The following STAB2 variants were observed in gnomAD, a reference collection of about 807,000 sequenced individuals.
STAB2 encodes stabilin 2.
Under a neutral mutation model 338.1 loss-of-function variants are expected in STAB2, and 288 were observed. That is an observed-to-expected ratio of 0.85 (90% CI 0.77 to 0.94). The LOEUF (loss-of-function observed/expected upper bound fraction) is 0.94. STAB2 is among the 40% of genes least tolerant of loss of function. The probability of loss-of-function intolerance (pLI) is 0.00; values close to 1 mark genes in which losing one functional copy is unlikely to be tolerated. For missense variants in STAB2, 3,141 were observed against 3,210.1 expected, an observed-to-expected ratio of 0.98 and a Z score of 0.52; for synonymous variants, 1,202 against 1,193.3, an observed-to-expected ratio of 1.01 and a Z score of -0.15.
In STAB2 at chr12:103,648,541, A is replaced by G. The variant is rs560979681; in HGVS notation, c.1041-149A>G. 4.2e-6 allele frequency: 4 copies of G among 945,826 alleles called. No individual in the cohort carries two copies. In the South Asian group the frequency reaches 8.8e-5, roughly 21 times the overall value. 58.6% of individuals were successfully genotyped at this position (945,826 alleles called of 1,614,324 possible). A position where few individuals can be genotyped will look rare whatever the true frequency, so the allele number is the denominator to read the frequency against. On this transcript the variant is annotated intron_variant, in intron 9 of 68. Coordinates refer to ENST00000388887, the MANE Select transcript of STAB2 (RefSeq NM_017564.10). ...CATCCATTTCTTGAGGAGCTACTAG[A>G]TGTCAGATACCACACTAGGAATGCT...
At chr12:103,677,995 C>T (rs1016428037) in intron 25 of STAB2, among the ~76,000 whole-genome samples, 1 of 152,150 alleles carries the variant, frequency 6.6e-6, no homozygotes, top group African/African-American at 2.4e-5. Context: ...AAGGCTACTG[C>T]TTAAAAATTA....
chr12:103,718,028 TCTGCTACCCCCAGC>T (rs1411639889), intron 44 of STAB2, among the ~76,000 whole-genome samples, 187 bp downstream of exon 44: 1 of 152,110 alleles, frequency 6.6e-6, no homozygotes, highest in Non-Finnish European at 1.5e-5. Context: ...GAAGGCACAG[TCTGCTACCCCCAGC>T]CTGCCCCTTT....
intron 68 of STAB2, 47 bp from the exon 69 acceptor site, chr12:103,766,239 C>A (rs775132195): frequency 3.1e-6 from 5 of 1,612,608 alleles, no homozygotes; most frequent in Non-Finnish European, 4.2e-6. Flanking sequence ...TCAACTAGGA[C>A]TCAACACACA....
At chr12:103,609,052 G>C (rs1479031612) in intron 3 of STAB2, among the ~76,000 whole-genome samples, 2 of 152,174 alleles carry the variant, frequency 1.3e-5, no homozygotes, top group Non-Finnish European at 2.9e-5. Context: ...CTATATCGCT[G>C]TTTTGGTACC....
chr12:103,656,700 G>C (rs1252581315), intron 15 of STAB2, among the ~76,000 whole-genome samples: 3 of 105,928 alleles, frequency 2.8e-5, no homozygotes, highest in African/African-American at 1.2e-4. Context: ...TTTTTTTTGA[G>C]ACGGAGTCTC....
At chr12:103,667,129 T>C (rs1209153514) in intron 19 of STAB2, among the ~76,000 whole-genome samples, 1 of 152,202 alleles carries the variant, frequency 6.6e-6, no homozygotes, top group Non-Finnish European at 1.5e-5. Flanking sequence ...GAATAGATCA[T>C]TAGGTAAGGT....
intron 52 of STAB2, among the ~76,000 whole-genome samples, chr12:103,737,332 C>G (rs908071244): frequency 2.6e-5 from 4 of 152,194 alleles, no homozygotes; most frequent in African/African-American, 7.2e-5. Flanking sequence ...GCCTTAGTTC[C>G]CTCGTCTGTA....
intron 27 of STAB2, among the ~76,000 whole-genome samples, chr12:103,687,441 A>G (rs948717471): frequency 4.6e-5 from 7 of 152,114 alleles, no homozygotes; most frequent in Admixed American, 3.9e-4. Context: ...TAGAGGAGCC[A>G]GGGCCATCTT....
chr12:103,647,104 T>A (rs1343269175), intron 9 of STAB2, among the ~76,000 whole-genome samples: 5 of 151,900 alleles, frequency 3.3e-5, no homozygotes, highest in African/African-American at 9.7e-5. Context: ...ATAAAAGGAG[T>A]CAGTGAGGGT....
Position 103,699,110 on chromosome 12 carries a change from C to G in STAB2, c.3597C>G (p.Leu1199=). The change falls in exon 34 of 69, where the codon CTC becomes CTG. Residue 1199 remains leucine, a synonymous_variant. Coordinates refer to ENST00000388887, the MANE Select transcript of STAB2 (RefSeq NM_017564.10). ...KKVLSLEEDV[L]RYHVVLEEKL... ...GTGTGATCCAGGAGGAGGACGTCCT[C>G]CGGTATCATGTGGTCCTGGAGGAGA... 1 of 1,609,504 alleles carries G rather than the reference C, an allele frequency of 6.2e-7. No homozygotes were observed. Among genetic ancestry groups the G allele is most frequent in the Non-Finnish European group, 8.5e-7 (1 of 1,176,728 alleles).
chr12:103,752,359 G>A (rs545508718), intron 60 of STAB2, among the ~76,000 whole-genome samples: 11 of 152,266 alleles, frequency 7.2e-5, no homozygotes, highest in African/African-American at 1.4e-4. Flanking sequence ...TTTGACTTAC[G>A]CACTGTGCTA....
chr12:103,730,303 A>G, intron 49 of STAB2, 47 bp downstream of exon 49: 1 of 1,589,830 alleles, frequency 6.3e-7, no homozygotes, highest in East Asian at 2.2e-5. Flanking sequence ...GACTCAATAC[A>G]TTATCATCTC....
chr12:103,637,076 A>G, intron 6 of STAB2, 35 bp from the exon 7 acceptor site: 1 of 1,574,044 alleles, frequency 6.4e-7, no homozygotes, highest in Non-Finnish European at 8.6e-7. Context: ...TGGTTATTCT[A>G]CTAATGCAAG....
intron 7 of STAB2, among the ~76,000 whole-genome samples, chr12:103,637,657 A>G (rs1353036845): frequency 6.6e-6 from 1 of 152,176 alleles, no homozygotes; most frequent in African/African-American, 2.4e-5. Flanking sequence ...TGAAATGGGG[A>G]TAATAATGGT....
intron 11 of STAB2, among the ~76,000 whole-genome samples, chr12:103,651,614 G>A (rs10861068): frequency 0.23 from 34,392 of 152,004 alleles, 4,113 homozygotes; most frequent in South Asian, 0.39. Flanking sequence ...ACCTGGCCCA[G>A]ATCTTGATTT....
intron 5 of STAB2, among the ~76,000 whole-genome samples, chr12:103,631,132 T>A (rs1471930705): frequency 6.6e-6 from 1 of 152,242 alleles, no homozygotes; most frequent in African/African-American, 2.4e-5. Flanking sequence ...ATGGTTATTC[T>A]AGACCCTTTG....
chr12:103,685,459 T>TGTGTGTGTGC lies in STAB2; in HGVS notation c.2997+376_2997+377insTGTGTGTGCG, dbSNP rs746468070. Reference sequence around the variant, plus strand: ...GTGTGTGTGTGTGTGTGTGTGCGCGTGCGTGTGTGTGTGCGTGCGCGCATG... The same window carrying TGTGTGTGTGC: ...GTGTGTGTGTGTGTGTGTGTGCGCGTGTGTGTGTGCGCGTGTGTGTGTGCGTGCGCGCATG... On this transcript the variant is annotated intron_variant, in intron 27 of 68. Coordinates refer to ENST00000388887, the MANE Select transcript of STAB2 (RefSeq NM_017564.10). Among the ~76,000 whole-genome samples, 89 of 135,648 alleles carry TGTGTGTGTGC rather than the reference T, an allele frequency of 6.6e-4. 1 individual carries two copies. The highest frequency in any genetic ancestry group is 2.0e-3 in the East Asian group (8 of 3,954). 89.0% of individuals were successfully genotyped at this position (135,648 alleles called of 152,430 possible). A position where few individuals can be genotyped will look rare whatever the true frequency, so the allele number is the denominator to read the frequency against.
At chr12:103,605,502 A>G (rs1957014305) in intron 3 of STAB2, among the ~76,000 whole-genome samples, 1 of 151,980 alleles carries the variant, frequency 6.6e-6, no homozygotes, top group Admixed American at 6.5e-5. Flanking sequence ...TATAAGAAAT[A>G]TGATTCAATA....
chr12:103,636,114 G>A (rs145570978), intron 6 of STAB2, among the ~76,000 whole-genome samples: 2 of 151,838 alleles, frequency 1.3e-5, no homozygotes, highest in African/African-American at 2.4e-5. Context: ...TGTTACATCT[G>A]TATACATGTG....
Sources: allele counts gnomAD v4.1 joint callset (sites outside exome capture counted in the v4.1 genomes callset), GRCh38; gene constraint gnomAD v4.1.1; transcripts MANE v1.5; gene names NCBI Gene and HGNC (gene_info 2026-07-23, HGNC 2026-07-21).